Variants in DNM2 observed in about 807,000 individuals in gnomAD.
DNM2 encodes the protein dynamin-2.
A neutral mutation model predicts 99.0 loss-of-function variants in DNM2; 15 were observed. The observed-to-expected ratio is 0.15, with a 90% CI of 0.10 to 0.23. DNM2 has a LOEUF of 0.23. Ranked by LOEUF, DNM2 falls within the 10% of genes least tolerant of loss-of-function variation. The pLI, the probability that DNM2 is intolerant of heterozygous loss-of-function variation, is 1.00. For synonymous variants in DNM2, 525 were observed against 481.2 expected, an observed-to-expected ratio of 1.09 and a Z score of -1.19; for missense variants, 742 against 1,189.4, an observed-to-expected ratio of 0.62 and a Z score of 5.53.
intron 1 of DNM2, among the ~76,000 whole-genome samples, chr19:10,736,945 G>C (rs1041436085): frequency 6.6e-6 from 1 of 152,094 alleles, no homozygotes; most frequent in Admixed American, 6.6e-5. Flanking sequence ...CCAGGAGTAC[G>C]AGACCAGCCT....
At chr19:10,718,505 G>C in intron 1 of DNM2, 102 bp downstream of exon 1, 1 of 1,256,326 alleles carries the variant, frequency 8.0e-7, no homozygotes, top group Non-Finnish European at 1.0e-6. Context: ...TGCGGCGCTT[G>C]CGTGCCCGCG....
At chr19:10,735,866 T>C (rs187935547) in intron 1 of DNM2, among the ~76,000 whole-genome samples, 19 of 152,284 alleles carry the variant, frequency 1.2e-4, no homozygotes, top group Admixed American at 7.9e-4. Flanking sequence ...TGCTTTTGTC[T>C]GGAATTAGTT....
intron 8 of DNM2, among the ~76,000 whole-genome samples, chr19:10,794,205 C>T (rs1309415648): frequency 2.0e-5 from 3 of 152,166 alleles, no homozygotes; most frequent in Non-Finnish European, 4.4e-5. Flanking sequence ...GCATGTGCAA[C>T]ATAGCACTGA....
Position 10,824,035 on chromosome 19 carries a change from G to A in DNM2, c.1893+136G>A, listed in dbSNP as rs1164084426. 4 of 795,218 alleles carry A rather than the reference G, an allele frequency of 5.0e-6. No homozygotes were observed. In the East Asian group the frequency reaches 8.1e-5, roughly 16 times the overall value. The allele number at this position is 795,218 out of a possible 1,614,324, so 49.3% of individuals were successfully genotyped here. A position where few individuals can be genotyped will look rare whatever the true frequency, so the allele number is the denominator to read the frequency against. Reference sequence around the variant, plus strand: ...GAAATCATGTAGCAGATGCCCACTTGAGCAAGCAAAGGAGAAATTGGGGGT... The same window carrying A: ...GAAATCATGTAGCAGATGCCCACTTAAGCAAGCAAAGGAGAAATTGGGGGT... On this transcript the variant is annotated intron_variant, in intron 17 of 20. Coordinates refer to ENST00000389253, the MANE Select transcript of DNM2 (RefSeq NM_001005361.3).
chr19:10,830,146 C>G lies in DNM2; in HGVS notation c.2311C>G (p.Pro771Ala), dbSNP rs1862203120. ...SSHSPTPQRR[P>A]VSSIHPPGRP... ...TCACAGCCCCACTCCACAGCGCCGA[C>G]CGGTGTCCAGCATACACCCCCCTGG... The change falls in exon 20 of 21, where the codon CCG becomes GCG. Residue 771 changes from proline to alanine, a missense_variant. Transcript: ENST00000389253. This position sits in a 1 kb window ranked among gnomAD's most constrained non-coding sequence, Gnocchi z 4.8. 6.2e-7 allele frequency: 1 copy of G among 1,613,894 alleles called. No homozygotes were observed. The highest frequency in any genetic ancestry group is 8.5e-7 in the Non-Finnish European group (1 of 1,179,838).
At chr19:10,734,498 G>A (rs1431273295) in intron 1 of DNM2, among the ~76,000 whole-genome samples, 1 of 151,304 alleles carries the variant, frequency 6.6e-6, no homozygotes, top group Non-Finnish European at 1.5e-5. Context: ...AATTAGCTTG[G>A]CCTGGTGGTG....
At chr19:10,742,577 C>T (rs1346450634) in intron 1 of DNM2, among the ~76,000 whole-genome samples, 2 of 152,156 alleles carry the variant, frequency 1.3e-5, no homozygotes, top group African/African-American at 2.4e-5. Context: ...GAGTCTTCAC[C>T]CAATGATCTT....
At position 10,823,815 on chromosome 19, in the gene DNM2, C is replaced by A; in HGVS notation, c.1809C>A (p.Ile603=). 1 of 1,613,646 alleles carries A rather than the reference C, an allele frequency of 6.2e-7. No homozygotes were observed. Among genetic ancestry groups the A allele is most frequent in the East Asian group, 2.2e-5 (1 of 44,858 alleles). The change falls in exon 17 of 21, where the codon ATC becomes ATA. Residue 603 remains isoleucine, a synonymous_variant. Transcript: ENST00000389253. ...QRNVYKDLRQ[I]ELACDSQEDV... ...ACGTCTACAAGGACCTGCGGCAGAT[C>A]GAGCTGGCCTGTGACTCCCAGGAAG...
At chr19:10,740,564 C>T (rs1250013615) in intron 1 of DNM2, among the ~76,000 whole-genome samples, 2 of 151,986 alleles carry the variant, frequency 1.3e-5, no homozygotes, top group South Asian at 2.1e-4. Context: ...TTGGTGGAGA[C>T]GGGGTTTCAC....
At chr19:10,752,009 G>A (rs139647685) in intron 1 of DNM2, among the ~76,000 whole-genome samples, 1 of 152,154 alleles carries the variant, frequency 6.6e-6, no homozygotes. Context: ...GGCCGGGGTC[G>A]GGTCATACAA....
chr19:10,738,664 C>T (rs957435987), intron 1 of DNM2, among the ~76,000 whole-genome samples: 9 of 151,368 alleles, frequency 5.9e-5, no homozygotes, highest in African/African-American at 2.2e-4. Flanking sequence ...GAGTTGAAGA[C>T]CATCCTGGCC....
intron 9 of DNM2, 60 bp from the exon 10 acceptor site, chr19:10,797,320 G>C: frequency 1.9e-6 from 3 of 1,603,986 alleles, no homozygotes; most frequent in Non-Finnish European, 8.5e-7. Flanking sequence ...TGTCCTGCGT[G>C]TGTGGCCTGC....
rs2072549174 is a variant in DNM2, at chr19:10,811,652, C to G, written c.1558-612C>G. ...CATGGGAGCACAGCCCCCAGGCTGC[C>G]TGCCGTTAGTTGTCAGGTGAGTCCC... On this transcript the variant is annotated intron_variant, in intron 14 of 20. Transcript: ENST00000389253. This position sits in a 1 kb window ranked among gnomAD's most constrained non-coding sequence, Gnocchi z 5.4. 2.0e-6 allele frequency: 1 copy of G among 500,722 alleles called. No individual in the cohort carries two copies. Among genetic ancestry groups the G allele is most frequent in the Non-Finnish European group, 4.0e-6 (1 of 251,608 alleles). 31.0% of individuals were successfully genotyped at this position (500,722 alleles called of 1,614,324 possible). A position where few individuals can be genotyped will look rare whatever the true frequency, so the allele number is the denominator to read the frequency against.
At chr19:10,763,499 C>T (rs972886334) in intron 2 of DNM2, 1 of 152,308 alleles carries the variant, frequency 6.6e-6, no homozygotes, top group Admixed American at 6.6e-5. Context: ...CCCCTGCGCC[C>T]GACCAGGCTC....
chr19:10,820,101 A>T lies in DNM2; in HGVS notation c.1781+12A>T, dbSNP rs1645229056. The T allele has an allele frequency of 6.2e-7, 1 of 1,613,816 alleles. No homozygotes were observed. The highest frequency in any genetic ancestry group is 1.7e-5 in the Admixed American group (1 of 60,008). ...AACACGGAGCAGAGGTGAGGGGCCC[A>T]GGGGCCTGGGGATGGCTCGGGGTGA... On this transcript the variant is annotated intron_variant, in intron 16 of 20. Transcript: ENST00000389253. This position sits in a 1 kb window ranked among gnomAD's most constrained non-coding sequence, Gnocchi z 4.3.
intron 1 of DNM2, among the ~76,000 whole-genome samples, chr19:10,729,463 T>C (rs1029838310): frequency 7.2e-5 from 11 of 152,004 alleles, no homozygotes; most frequent in African/African-American, 2.4e-4. Context: ...TGTGGCTTGT[T>C]GGGATGGGTG....
At chr19:10,730,815 C>T (rs1243253085) in intron 1 of DNM2, among the ~76,000 whole-genome samples, 1 of 152,204 alleles carries the variant, frequency 6.6e-6, no homozygotes, top group African/African-American at 2.4e-5. Flanking sequence ...CCCCCTCTGA[C>T]TTTTGCTTCC....
chr19:10,811,675 C>A lies in DNM2; in HGVS notation c.1558-589C>A. The A allele has an allele frequency of 1.9e-6, 1 of 513,566 alleles. No homozygotes were observed. The highest frequency in any genetic ancestry group is 3.9e-6 in the Non-Finnish European group (1 of 257,848). 31.8% of individuals were successfully genotyped at this position (513,566 alleles called of 1,614,324 possible). On this transcript the variant is annotated intron_variant, in intron 14 of 20. Coordinates refer to ENST00000389253, the MANE Select transcript of DNM2 (RefSeq NM_001005361.3). This position sits in a 1 kb window ranked among gnomAD's most constrained non-coding sequence, Gnocchi z 5.4. ...GCCTGCCGTTAGTTGTCAGGTGAGT[C>A]CCTGCGCAGGCCTGGGTTCTGACCC...
intron 5 of DNM2, among the ~76,000 whole-genome samples, chr19:10,779,900 C>T (rs556324965): frequency 3.7e-4 from 56 of 151,992 alleles, no homozygotes; most frequent in Admixed American, 9.2e-4. Context: ...GTGATCCACC[C>T]GCCTCAGCCT....
Sources: gnomAD v4.1 joint callset for allele counts (sites outside exome capture counted in the v4.1 genomes callset) on GRCh38, gnomAD v4.1.1 for gene constraint, Gnocchi (gnomAD v3.1) non-coding constraint, MANE v1.5 for transcripts, NCBI Gene and HGNC (gene_info 2026-07-23, HGNC 2026-07-21) for gene names.